The following DAB1 variants were observed in gnomAD, a reference collection of about 807,000 sequenced individuals.
The protein encoded by DAB1 is DAB adaptor protein 1, also known as disabled homolog 1.
In DAB1, 15 loss-of-function variants were observed where a neutral mutation model predicts 64.6. The observed-to-expected ratio is 0.23, with a 90% CI of 0.16 to 0.36. The LOEUF is 0.36. Among genes scored for constraint, DAB1 ranks in the 10% least tolerant of loss-of-function variants. The pLI, the probability that DAB1 is intolerant of heterozygous loss-of-function variation, is 1.00. For synonymous variants in DAB1, 235 were observed against 251.9 expected (o/e 0.93, Z 0.64); for missense variants, 596 against 706.7 (o/e 0.84, Z 1.78).
chr1:58,526,864 T>C (rs1376704565), intron 2 of DAB1, among the ~76,000 whole-genome samples: 2 of 152,058 alleles, frequency 1.3e-5, no homozygotes, highest in Non-Finnish European at 2.9e-5. Context: ...GAGGGACAAA[T>C]GTTAAAAGGC....
intron 3 of DAB1, among the ~76,000 whole-genome samples, chr1:58,422,377 A>T (rs930770227): frequency 6.6e-6 from 1 of 151,974 alleles, no homozygotes; most frequent in African/African-American, 2.4e-5. Context: ...TAGCTAGTTG[A>T]GACAAAAATG....
At chr1:57,021,400 T>C (rs1646614514) in intron 11 of DAB1, among the ~76,000 whole-genome samples, 1 of 152,148 alleles carries the variant, frequency 6.6e-6, no homozygotes, top group Non-Finnish European at 1.5e-5. Context: ...AATCTCACCT[T>C]GAATTGTAAT....
In DAB1 at chr1:58,489,123, G is replaced by A. The variant is rs995018167; in HGVS notation, n.257+16937C>T. ...GGACAGTCGGTGCAGCGCACCGAGCGTGAGCCGAAGTAGGGCAAGGCATCG... is the reference window on the plus strand; with the variant it reads ...GGACAGTCGGTGCAGCGCACCGAGCATGAGCCGAAGTAGGGCAAGGCATCG... On this transcript the variant is annotated intron_variant and non_coding_transcript_variant, in intron 3 of 20. Transcript: ENST00000485760. Among the ~76,000 whole-genome samples the A allele has an allele frequency of 5.9e-5, 9 of 152,322 alleles. No homozygotes were observed. The East Asian group carries it at 7.8e-4, about 13-fold the overall frequency.
upstream of DAB1, among the ~76,000 whole-genome samples, chr1:57,424,724 C>T (rs2101102635): frequency 6.6e-6 from 1 of 152,350 alleles, no homozygotes; most frequent in Non-Finnish European, 1.5e-5. Context: ...TCCCAGCCGC[C>T]AGTGCAGGTT....
In DAB1 at chr1:58,075,808, C is replaced by A. The variant is rs576317448; in HGVS notation, n.387+74703G>T. Among the ~76,000 whole-genome samples, 3 of 152,266 alleles carry A rather than the reference C, an allele frequency of 2.0e-5. No homozygotes were observed. In the South Asian group the frequency reaches 6.2e-4, roughly 32 times the overall value. The stretch of plus-strand genomic sequence containing the variant: ...CCAACTCTGCTGCCTTTCTCTGGCT[C>A]TATCTCTGTCCCTCTTTGTGAATCT... On this transcript the variant is annotated intron_variant and non_coding_transcript_variant, in intron 5 of 20. Transcript: ENST00000485760.
chr1:57,625,454 T>C (rs540855784), intron 7 of DAB1, among the ~76,000 whole-genome samples: 32 of 152,302 alleles, frequency 2.1e-4, no homozygotes, highest in Non-Finnish European at 3.4e-4. Context: ...TCTGCCCTTG[T>C]AGGCCTCAGG....
intron 4 of DAB1, among the ~76,000 whole-genome samples, chr1:57,125,006 G>C (rs1380298779): frequency 6.8e-6 from 1 of 147,136 alleles, no homozygotes; most frequent in African/African-American, 2.5e-5. Flanking sequence ...AATATCTATA[G>C]TTCATAGTGT....
chr1:57,522,168 A>T (rs1212443953), intron 7 of DAB1, among the ~76,000 whole-genome samples: 2 of 152,126 alleles, frequency 1.3e-5, no homozygotes, highest in African/African-American at 4.8e-5. Flanking sequence ...ATTTGGAGGC[A>T]CTAGATTCCA....
intron 1 of DAB1, chr1:58,539,053 C>T (rs771658049): frequency 3.4e-6 from 3 of 872,756 alleles, no homozygotes; most frequent in Non-Finnish European, 6.0e-6. Flanking sequence ...ACTTGAGAGG[C>T]CTCCTGTTCT....
At chr1:58,264,744 CGT>C (rs1661123174) in intron 4 of DAB1, among the ~76,000 whole-genome samples, 1 of 152,172 alleles carries the variant, frequency 6.6e-6, no homozygotes, top group African/African-American at 2.4e-5. Context: ...GAACTAATCA[CGT>C]GGCACCATCT....
intron 2 of DAB1, among the ~76,000 whole-genome samples, chr1:58,511,613 A>G (rs1169960902): frequency 6.6e-6 from 1 of 152,120 alleles, no homozygotes; most frequent in Admixed American, 6.6e-5. Flanking sequence ...TGGGTAACAG[A>G]GCAAGACCCT....
At chr1:57,759,431 G>A (rs1003586262) in intron 6 of DAB1, among the ~76,000 whole-genome samples, 1 of 152,140 alleles carries the variant, frequency 6.6e-6, no homozygotes, top group African/African-American at 2.4e-5. Flanking sequence ...ATCATATACA[G>A]TCAATAAATG....
chr1:58,272,508 T>C (rs1465973322), intron 4 of DAB1, among the ~76,000 whole-genome samples: 1 of 118,086 alleles, frequency 8.5e-6, no homozygotes, highest in Non-Finnish European at 1.8e-5. Flanking sequence ...TCTGTTGATT[T>C]GGGGTGGAGA....
At chr1:58,489,133 G>A (rs2100368435) in intron 3 of DAB1, among the ~76,000 whole-genome samples, 1 of 152,320 alleles carries the variant, frequency 6.6e-6, no homozygotes, top group Admixed American at 6.5e-5. Context: ...GTGAGCCGAA[G>A]TAGGGCAAGG....
intron 7 of DAB1, among the ~76,000 whole-genome samples, chr1:57,593,702 A>G (rs1169976720): frequency 6.6e-6 from 1 of 152,244 alleles, no homozygotes; most frequent in African/African-American, 2.4e-5. Context: ...CCTGTCATGA[A>G]GGCCCAAATG....
chr1:58,421,011 TACAA>T lies in DAB1; in HGVS notation n.258-77612_258-77609del, dbSNP rs1468757597. Among the ~76,000 whole-genome samples the T allele has an allele frequency of 5.9e-5, 9 of 152,302 alleles. 1 individual carries two copies. The East Asian group carries it at 1.7e-3, about 29-fold the overall frequency. The stretch of plus-strand genomic sequence containing the variant: ...CCAGAAGCCTTTCTCTTTCAAGGGC[TACAA>T]ACTGAGATGCCAAGATGTTAACTCT... On this transcript the variant is annotated intron_variant and non_coding_transcript_variant, in intron 3 of 20. Transcript: ENST00000485760.
chr1:57,671,972 T>A (rs939629772), intron 6 of DAB1, among the ~76,000 whole-genome samples: 23 of 152,136 alleles, frequency 1.5e-4, no homozygotes, highest in Non-Finnish European at 2.6e-4. Context: ...AGAGAAGTAC[T>A]CAACAATAAT....
chr1:57,744,826 G>C (rs752921723), intron 6 of DAB1, among the ~76,000 whole-genome samples: 7 of 152,146 alleles, frequency 4.6e-5, no homozygotes, highest in Non-Finnish European at 8.8e-5. Context: ...TTCCTGTCCA[G>C]TAGGAACAAA....
chr1:57,211,792 T>C (rs1666027262), intron 2 of DAB1, among the ~76,000 whole-genome samples: 1 of 152,116 alleles, frequency 6.6e-6, no homozygotes, highest in Admixed American at 6.6e-5. Flanking sequence ...AATAAAAATA[T>C]AATACAGCAA....
Sources: gnomAD v4.1 joint callset for allele counts (sites outside exome capture counted in the v4.1 genomes callset) on GRCh38, gnomAD v4.1.1 for gene constraint, MANE v1.5 for transcripts, NCBI Gene and HGNC (gene_info 2026-07-23, HGNC 2026-07-21) for gene names.